MID1: variants seen among roughly 807,000 people sequenced by gnomAD.
MID1 encodes the protein midline 1.
A neutral mutation model predicts 40.4 loss-of-function variants in MID1; 7 were observed. The observed-to-expected ratio is 0.17, with a 90% CI of 0.10 to 0.33. The LOEUF is 0.33. MID1 is among the 10% of genes least tolerant of loss of function. The pLI is 1.00. For synonymous variants in MID1, 229 were observed against 221.2 expected (o/e 1.04, Z -0.31); for missense variants, 367 against 558.5 (o/e 0.66, Z 3.46).
intron 1 of MID1, among the ~76,000 whole-genome samples, chrX:10,591,667 G>A (rs1000539736): frequency 2.7e-5 from 3 of 110,208 alleles, no homozygotes; most frequent in African/African-American, 3.3e-5. Context: ...GGGGTGCTCC[G>A]TTCCCCCTTC....
Position 10,663,958 on chromosome X carries a change from T to C in MID1, c.-186-43539A>G, listed in dbSNP as rs1232221090. Among the ~76,000 whole-genome samples, 3 of 111,729 alleles carry C rather than the reference T, an allele frequency of 2.7e-5. 1 individual carries two copies. The highest frequency in any genetic ancestry group is 5.6e-5 in the Non-Finnish European group (3 of 53,206). On this transcript the variant is annotated intron_variant, in intron 1 of 10. Coordinates refer to the MID1 transcript ENST00000380785. ...CATCCTCCCTACACACCCATATACA[T>C]GCCACAAATACACAATCACAGCCAA...
intron 3 of MID1, among the ~76,000 whole-genome samples, chrX:10,499,025 G>A (rs1322694064): frequency 8.9e-6 from 1 of 112,332 alleles, no homozygotes; most frequent in African/African-American, 3.2e-5. Flanking sequence ...CCAAGCTATT[G>A]TTCAAAGTGG....
At chrX:10,746,781 C>T (rs971544802) in intron 1 of MID1, among the ~76,000 whole-genome samples, 1 of 109,059 alleles carries the variant, frequency 9.2e-6, no homozygotes, top group African/African-American at 3.3e-5. Flanking sequence ...GTCCACTTTA[C>T]TTTAATAAGT....
chrX:10,693,950 A>G (rs1443318314), intron 1 of MID1, among the ~76,000 whole-genome samples: 2 of 112,585 alleles, frequency 1.8e-5, no homozygotes, highest in South Asian at 3.7e-4. Flanking sequence ...AACCTCTTCT[A>G]TGGTTCCTTG....
chrX:10,593,317 T>C (rs955143118), intron 1 of MID1, among the ~76,000 whole-genome samples: 2 of 112,249 alleles, frequency 1.8e-5, no homozygotes, highest in Middle Eastern at 4.6e-3. Flanking sequence ...GAGAAATATA[T>C]AAACTAATTG....
chrX:10,809,248 G>A (rs766630818), intron 1 of MID1, among the ~76,000 whole-genome samples: 1 of 111,925 alleles, frequency 8.9e-6, no homozygotes, highest in South Asian at 3.8e-4. Flanking sequence ...ACACCAGTTA[G>A]AATGGTGATC....
intron 1 of MID1, among the ~76,000 whole-genome samples, chrX:10,759,086 A>G (rs1382593943): frequency 1.8e-5 from 2 of 111,893 alleles, no homozygotes; most frequent in Non-Finnish European, 3.8e-5. Context: ...TCCTTTTTCA[A>G]TGGACATTGA....
At chrX:10,807,022 T>C (rs1225188695) in intron 1 of MID1, among the ~76,000 whole-genome samples, 2 of 111,785 alleles carry the variant, frequency 1.8e-5, no homozygotes, top group Admixed American at 9.5e-5. Context: ...GGTGAGTGGA[T>C]CACCTGAGGT....
At chrX:10,705,279 T>C (rs1204857081) in intron 1 of MID1, among the ~76,000 whole-genome samples, 1 of 112,339 alleles carries the variant, frequency 8.9e-6, no homozygotes, top group Non-Finnish European at 1.9e-5. Context: ...GAAGTCAATG[T>C]AAGTTTTATG....
intron 1 of MID1, among the ~76,000 whole-genome samples, chrX:10,799,675 A>T (rs1035881423): frequency 9.4e-6 from 1 of 106,754 alleles, no homozygotes; most frequent in Non-Finnish European, 1.9e-5. Context: ...TAACAGGCTG[A>T]TCTCAATGTA....
chrX:10,656,447 A>G (rs1315962542), intron 1 of MID1, among the ~76,000 whole-genome samples: 1 of 111,634 alleles, frequency 9.0e-6, no homozygotes, highest in Admixed American at 9.5e-5. Flanking sequence ...CAATGCCAAC[A>G]GCTTGACAAT....
At chrX:10,598,505 G>T (rs953480067) in intron 1 of MID1, among the ~76,000 whole-genome samples, 1 of 112,216 alleles carries the variant, frequency 8.9e-6, no homozygotes, top group Non-Finnish European at 1.9e-5. Context: ...TAGAAAGGGA[G>T]ATGATGCAGG....
intron 7 of MID1, among the ~76,000 whole-genome samples, chrX:10,468,893 CCTTT>C (rs2147279181): frequency 9.0e-6 from 1 of 111,687 alleles, no homozygotes; most frequent in Non-Finnish European, 1.9e-5. Context: ...TTTATTAAAT[CCTTT>C]CTTTTAAAAT....
intron 1 of MID1, among the ~76,000 whole-genome samples, chrX:10,743,128 A>G (rs2043535437): frequency 8.9e-6 from 1 of 112,892 alleles, no homozygotes; most frequent in Admixed American, 9.3e-5. Context: ...TCTAGACAGA[A>G]GAATACCGCT....
intron 1 of MID1, among the ~76,000 whole-genome samples, chrX:10,719,288 C>G (rs1448039249): frequency 1.8e-5 from 2 of 111,019 alleles, no homozygotes; most frequent in Admixed American, 1.9e-4. Context: ...GATTGTGTAT[C>G]TAGAAAACCC....
intron 1 of MID1, among the ~76,000 whole-genome samples, chrX:10,613,189 C>T (rs945461407): frequency 3.6e-5 from 4 of 111,554 alleles, no homozygotes; most frequent in Non-Finnish European, 7.5e-5. Flanking sequence ...ACCAAAGCAA[C>T]ACTCCAAAAC....
At chrX:10,520,060 T>C (rs1299881736) in intron 3 of MID1, among the ~76,000 whole-genome samples, 1 of 112,365 alleles carries the variant, frequency 8.9e-6, no homozygotes, top group African/African-American at 3.2e-5. Context: ...CATCATTGTG[T>C]TGCATAAATA....
chrX:10,523,392 A>G (rs972089437), intron 2 of MID1, among the ~76,000 whole-genome samples: 1 of 111,983 alleles, frequency 8.9e-6, no homozygotes, highest in African/African-American at 3.2e-5. Flanking sequence ...CTCAGACTTT[A>G]TTCTTTTTGT....
At chrX:10,494,101 C>T (rs1476530788) in intron 4 of MID1, among the ~76,000 whole-genome samples, 2 of 112,276 alleles carry the variant, frequency 1.8e-5, no homozygotes, top group Non-Finnish European at 3.8e-5. Context: ...AGTAGCTTTT[C>T]GGCACATGTG....
Sources: allele counts gnomAD v4.1 joint callset (sites outside exome capture counted in the v4.1 genomes callset), GRCh38; gene constraint gnomAD v4.1.1; transcripts MANE v1.5; gene names NCBI Gene and HGNC (gene_info 2026-07-23, HGNC 2026-07-21).